KCNJ6: variants seen among roughly 807,000 people sequenced by gnomAD.
KCNJ6 encodes G protein-activated inward rectifier potassium channel 2.
KCNJ6 carries 9 observed loss-of-function variants against 34.2 expected under a neutral mutation model. The ratio of observed to expected loss-of-function variants is 0.26; its 90% CI spans 0.16 to 0.46. KCNJ6 has a LOEUF of 0.46. Among genes scored for constraint, KCNJ6 ranks in the 20% least tolerant of loss-of-function variants. The pLI is 1.00. For synonymous variants in KCNJ6, 196 were observed against 207.1 expected (o/e 0.95, Z 0.46); for missense variants, 236 against 531.3 (o/e 0.44, Z 5.46).
chr21:37,750,208 T>C (rs531924356), intron 2 of KCNJ6, among the ~76,000 whole-genome samples: 7 of 152,162 alleles, frequency 4.6e-5, no homozygotes, highest in African/African-American at 1.7e-4. Flanking sequence ...AGAATGGCAA[T>C]CATTAAAAAG....
At chr21:37,794,458 T>C (rs1475098672) in intron 2 of KCNJ6, among the ~76,000 whole-genome samples, 1 of 152,214 alleles carries the variant, frequency 6.6e-6, no homozygotes, top group African/African-American at 2.4e-5. Context: ...GTATATGAAG[T>C]GCTTAAACCA....
chr21:37,817,679 T>C (rs1002436086), intron 2 of KCNJ6, among the ~76,000 whole-genome samples: 2 of 152,210 alleles, frequency 1.3e-5, no homozygotes. Flanking sequence ...AGCACCCTCA[T>C]CCTGGTTCAG....
At chr21:37,881,924 C>A (rs2836029) in intron 1 of KCNJ6, among the ~76,000 whole-genome samples, 13,233 of 152,162 alleles carry the variant, frequency 0.087, 846 homozygotes, top group East Asian at 0.31. Flanking sequence ...GTGCTAAGAC[C>A]AACAGGAGGA....
At chr21:37,658,436 A>G (rs1299683874) in intron 3 of KCNJ6, among the ~76,000 whole-genome samples, 1 of 152,232 alleles carries the variant, frequency 6.6e-6, no homozygotes, top group Non-Finnish European at 1.5e-5. Context: ...ATCTGAGAAG[A>G]GCTTTTCATT....
At chr21:37,713,341 T>TAAAG (rs1324500785) in intron 3 of KCNJ6, among the ~76,000 whole-genome samples, 1 of 152,002 alleles carries the variant, frequency 6.6e-6, no homozygotes, top group Non-Finnish European at 1.5e-5. Context: ...CAAAGAACAA[T>TAAAG]AAAGACCTTA....
At chr21:37,749,068 A>G (rs1009739268) in intron 2 of KCNJ6, among the ~76,000 whole-genome samples, 2 of 152,200 alleles carry the variant, frequency 1.3e-5, no homozygotes, top group Non-Finnish European at 2.9e-5. Context: ...TATAATAAAC[A>G]CACCTATGCA....
At chr21:37,904,477 G>A (rs1408543410) in intron 1 of KCNJ6, among the ~76,000 whole-genome samples, 1 of 151,046 alleles carries the variant, frequency 6.6e-6, no homozygotes, top group Non-Finnish European at 1.5e-5. Context: ...ATCACTTTGG[G>A]GTCTTGAAAA....
intron 3 of KCNJ6, among the ~76,000 whole-genome samples, chr21:37,655,142 A>T (rs1300896872): frequency 6.7e-6 from 1 of 150,048 alleles, no homozygotes; most frequent in East Asian, 2.0e-4. Flanking sequence ...TAGTCCTGCC[A>T]TGGTCTTAGA....
intron 2 of KCNJ6, among the ~76,000 whole-genome samples, chr21:37,738,226 T>G (rs763142763): frequency 3.9e-5 from 6 of 152,220 alleles, no homozygotes; most frequent in Non-Finnish European, 7.3e-5. Context: ...AGCTCATAGA[T>G]TACAAACGGC....
chr21:37,803,089 G>A (rs2055277044), intron 2 of KCNJ6, among the ~76,000 whole-genome samples: 1 of 152,188 alleles, frequency 6.6e-6, no homozygotes, highest in Non-Finnish European at 1.5e-5. Flanking sequence ...GCTCATCCTT[G>A]TCAACGCACA....
intron 2 of KCNJ6, among the ~76,000 whole-genome samples, chr21:37,786,466 T>C (rs747237628): frequency 1.2e-4 from 19 of 152,320 alleles, no homozygotes; most frequent in Admixed American, 1.1e-3. Flanking sequence ...TGGAGAAGAC[T>C]GTCAGAGGCC....
chr21:37,703,464 G>C (rs2054702386), intron 3 of KCNJ6, among the ~76,000 whole-genome samples: 1 of 152,200 alleles, frequency 6.6e-6, no homozygotes, highest in Non-Finnish European at 1.5e-5. Context: ...ATCTAAGGGG[G>C]AGATGGTGTT....
At chr21:37,672,054 T>C (rs2054544698) in intron 3 of KCNJ6, among the ~76,000 whole-genome samples, 1 of 152,324 alleles carries the variant, frequency 6.6e-6, no homozygotes, top group East Asian at 1.9e-4. Flanking sequence ...TTCTTTTTTT[T>C]ACTTAATTGC....
Position 37,698,560 on chromosome 21 carries a change from C to T in KCNJ6, c.946+15651G>A, listed in dbSNP as rs149028036. ...GTTGTTGTTGTTTGAGACAGGATCT[C>T]GCTCTGTTGCCCAGGCTAGAGTGCA... On this transcript the variant is annotated intron_variant, in intron 3 of 3. Coordinates refer to ENST00000609713, the MANE Select transcript of KCNJ6 (RefSeq NM_002240.5). 3.4e-3 allele frequency among the ~76,000 whole-genome samples: 521 copies of T among 152,316 alleles called. 6 individuals carry two copies. Among genetic ancestry groups the T allele is most frequent in the African/African-American group, 0.011 (468 of 41,554 alleles).
chr21:37,870,544 A>T (rs1368485608), intron 1 of KCNJ6, among the ~76,000 whole-genome samples: 2 of 151,810 alleles, frequency 1.3e-5, no homozygotes. Flanking sequence ...AATAATTCTG[A>T]GATATTTCAG....
intron 2 of KCNJ6, among the ~76,000 whole-genome samples, chr21:37,728,912 G>T (rs145809530): frequency 2.0e-5 from 3 of 152,236 alleles, no homozygotes; most frequent in African/African-American, 7.2e-5. Flanking sequence ...GCCCATCAGC[G>T]ACTGGTGATA....
intron 2 of KCNJ6, among the ~76,000 whole-genome samples, chr21:37,815,471 G>C (rs2055342339): frequency 6.6e-6 from 1 of 152,218 alleles, no homozygotes; most frequent in South Asian, 2.1e-4. Flanking sequence ...GTGACCATTG[G>C]AGTGGTGATG....
In KCNJ6 at chr21:37,763,377, C is replaced by T. The variant is rs939264812; in HGVS notation, c.26-48246G>A. On this transcript the variant is annotated intron_variant, in intron 2 of 3. Transcript: ENST00000609713. ...AACAGCTGGGACAACACCATCACCTCGTCTTCCTTTCTCCTCTCTTACTTC... is the reference window on the plus strand; with the variant it reads ...AACAGCTGGGACAACACCATCACCTTGTCTTCCTTTCTCCTCTCTTACTTC... 7.9e-5 allele frequency among the ~76,000 whole-genome samples: 12 copies of T among 152,288 alleles called. No homozygotes were observed. The East Asian group carries it at 1.5e-3, about 20-fold the overall frequency.
At chr21:37,644,769 G>A (rs887490568) in intron 3 of KCNJ6, among the ~76,000 whole-genome samples, 2 of 152,146 alleles carry the variant, frequency 1.3e-5, no homozygotes, top group African/African-American at 2.4e-5. Flanking sequence ...ATAAAATATC[G>A]CCATTCTCTG....
Sources: allele counts gnomAD v4.1 joint callset (sites outside exome capture counted in the v4.1 genomes callset), GRCh38; gene constraint gnomAD v4.1.1; transcripts MANE v1.5; gene names NCBI Gene and HGNC (gene_info 2026-07-23, HGNC 2026-07-21).